The following NUAK1 variants were observed in gnomAD, a reference collection of about 807,000 sequenced individuals.
NUAK1 encodes the protein NUAK family SNF1-like kinase 1.
NUAK1 carries 26 observed loss-of-function variants against 56.9 expected under a neutral mutation model. The ratio of observed to expected loss-of-function variants is 0.46; its 90% CI spans 0.33 to 0.63. The LOEUF (loss-of-function observed/expected upper bound fraction) is 0.63. Ranked by LOEUF, NUAK1 falls within the 30% of genes least tolerant of loss-of-function variation. The pLI is 0.02. For missense variants in NUAK1, 727 were observed against 876.1 expected (o/e 0.83, Z 2.15); for synonymous variants, 337 against 336.0 (o/e 1.00, Z -0.03).
intron 6 of NUAK1, among the ~76,000 whole-genome samples, chr12:106,068,302 T>C (rs1450625287): frequency 6.6e-6 from 1 of 152,200 alleles, no homozygotes; most frequent in African/African-American, 2.4e-5. Context: ...CCCTGAGAGG[T>C]GCCCCACCAT....
intron 4 of NUAK1, among the ~76,000 whole-genome samples, chr12:106,074,123 C>T (rs2032437497): frequency 6.6e-6 from 1 of 152,152 alleles, no homozygotes; most frequent in Non-Finnish European, 1.5e-5. Flanking sequence ...GCAGGTTCCA[C>T]ATCCTCCCCT....
intron 3 of NUAK1, among the ~76,000 whole-genome samples, chr12:106,085,081 G>A (rs1302041435): frequency 6.6e-6 from 1 of 152,170 alleles, no homozygotes; most frequent in African/African-American, 2.4e-5. Flanking sequence ...GCACAAAACC[G>A]AGTCTGTTAG....
chr12:106,077,125 G>A (rs1456603025), intron 4 of NUAK1, among the ~76,000 whole-genome samples: 3 of 152,246 alleles, frequency 2.0e-5, no homozygotes, highest in African/African-American at 7.2e-5. Context: ...TGATGGCAAT[G>A]ATAATAATTA....
intron 1 of NUAK1, among the ~76,000 whole-genome samples, chr12:106,130,768 T>A (rs914580142): frequency 1.3e-5 from 2 of 152,214 alleles, no homozygotes; most frequent in African/African-American, 4.8e-5. Flanking sequence ...GGCCTTTTTT[T>A]AATTTGCACA....
intron 2 of NUAK1, among the ~76,000 whole-genome samples, chr12:106,092,380 T>G (rs2032644566): frequency 6.6e-6 from 1 of 151,450 alleles, no homozygotes; most frequent in South Asian, 2.1e-4. Flanking sequence ...TAGCTGGGCG[T>G]GGTAGTGGGC....
At position 106,067,086 on chromosome 12, in the gene NUAK1, G is replaced by T. The variant is rs1178254979; in HGVS notation, c.1702C>A (p.Pro568Thr). 1.2e-6 allele frequency: 2 copies of T among 1,614,100 alleles called. No individual in the cohort carries two copies. Among genetic ancestry groups the T allele is most frequent in the Admixed American group, 1.7e-5 (1 of 60,008 alleles). The change falls in exon 7 of 7, where the codon CCT becomes ACT. Residue 568 changes from proline (P) to threonine (T), a missense_variant. Coordinates refer to ENST00000261402, the MANE Select transcript of NUAK1 (RefSeq NM_014840.3). The surrounding 1 kb of genome is among the most constrained non-coding windows in gnomAD (Gnocchi z 6.0). ...AEGLSRSYSR[P>T]SSVISDDSVL... ...CTGTCATCGCTGATGACACTGGAAG[G>T]GCGGCTGTAGCTCCGGGAGAGGCCC...
intron 2 of NUAK1, among the ~76,000 whole-genome samples, chr12:106,104,860 T>A (rs2032785234): frequency 6.6e-6 from 1 of 151,960 alleles, no homozygotes; most frequent in South Asian, 2.1e-4. Flanking sequence ...ACGAAAACTA[T>A]CAGAAAAACT....
At chr12:106,090,258 C>T (rs1458984939) in intron 2 of NUAK1, among the ~76,000 whole-genome samples, 1 of 152,114 alleles carries the variant, frequency 6.6e-6, no homozygotes, top group East Asian at 1.9e-4. Context: ...ATCCCCCAGT[C>T]CCCCATAGGA....
At chr12:106,086,524 G>C (rs974419632) in intron 3 of NUAK1, among the ~76,000 whole-genome samples, 1 of 152,150 alleles carries the variant, frequency 6.6e-6, no homozygotes, top group African/African-American at 2.4e-5. Context: ...GAAGGAGGAG[G>C]AAGAAGACTG....
At chr12:106,092,670 C>T (rs754219222) in intron 2 of NUAK1, among the ~76,000 whole-genome samples, 5 of 152,264 alleles carry the variant, frequency 3.3e-5, no homozygotes, top group African/African-American at 4.8e-5. Flanking sequence ...TGTTGATAGA[C>T]ATTTGGGCTG....
chr12:106,118,541 T>C (rs777272553), intron 1 of NUAK1, among the ~76,000 whole-genome samples: 5 of 152,206 alleles, frequency 3.3e-5, no homozygotes, highest in Non-Finnish European at 7.3e-5. Flanking sequence ...TCAGAACAAT[T>C]TGAATGTGCG....
chr12:106,067,308 T>C lies in NUAK1; in HGVS notation c.1480A>G (p.Asn494Asp), dbSNP rs780767441. 79 of 1,614,016 alleles carry C rather than the reference T, an allele frequency of 4.9e-5. No homozygotes were observed. The East Asian group carries it at 1.6e-3, about 33-fold the overall frequency. Residue 494 changes from asparagine (N) to aspartate (D), a missense_variant, in exon 7 of 7, where the codon AAT (asparagine) becomes GAT (aspartate). Transcript: ENST00000261402. The surrounding 1 kb of genome is among the most constrained non-coding windows in gnomAD (Gnocchi z 6.0). Reference sequence around the variant, plus strand: ...GGGATGCTGCTGCCCATCACATCATTACTGTCCAACAGCTCCGAAGACTCA... The same window carrying C: ...GGGATGCTGCTGCCCATCACATCATCACTGTCCAACAGCTCCGAAGACTCA... The part of the protein sequence containing the change: ...RSESSELLDS[N>D]DVMGSSIPSP...
rs117172173 is a variant in NUAK1, at chr12:106,079,249, T to C, written c.579+4615A>G. Among the ~76,000 whole-genome samples, 889 of 152,250 alleles carry C rather than the reference T, an allele frequency of 5.8e-3. 6 individuals are homozygous for C. The highest frequency in any genetic ancestry group is 0.027 in the Middle Eastern group (8 of 294). On this transcript the variant is annotated intron_variant, in intron 4 of 6. Coordinates refer to ENST00000261402, the MANE Select transcript of NUAK1 (RefSeq NM_014840.3). ...GGGGCTCAGTAAGCATTACTTTCCT[T>C]TTCTAGTCTCCATGCTGTGTTCCTG...
rs1288983405 is a variant in NUAK1, at chr12:106,087,063, T to C, written c.362-178A>G. 14 of 620,162 alleles carry C rather than the reference T, an allele frequency of 2.3e-5. No individual in the cohort carries two copies. In the Admixed American group the frequency reaches 3.0e-4, roughly 13 times the overall value. The allele number at this position is 620,162 out of a possible 1,614,324, so 38.4% of individuals were successfully genotyped here. On this transcript the variant is annotated intron_variant, in intron 2 of 6. Coordinates refer to ENST00000261402, the MANE Select transcript of NUAK1 (RefSeq NM_014840.3). ...GCGTGGGGCGTGCTGTCCCGCCAGG[T>C]GGAAAATGGTGTGTGTCACCACCAC...
chr12:106,073,747 G>C (rs1387209805), intron 4 of NUAK1, among the ~76,000 whole-genome samples: 2 of 151,932 alleles, frequency 1.3e-5, no homozygotes, highest in Non-Finnish European at 2.9e-5. Flanking sequence ...AAACCTGAGA[G>C]GCGGAGATTG....
At position 106,138,381 on chromosome 12, in the gene NUAK1, G is replaced by A. The variant is rs758399010; in HGVS notation, c.240+33C>T. 44 of 1,566,954 alleles carry A rather than the reference G, an allele frequency of 2.8e-5. No individual in the cohort carries two copies. The highest frequency in any genetic ancestry group is 3.6e-5 in the Non-Finnish European group (42 of 1,160,948). On this transcript the variant is annotated intron_variant, in intron 1 of 6. Coordinates refer to ENST00000261402, the MANE Select transcript of NUAK1 (RefSeq NM_014840.3). The surrounding 1 kb of genome is among the most constrained non-coding windows in gnomAD (Gnocchi z 5.0). The stretch of plus-strand genomic sequence containing the variant: ...CAGTCCCCGGCCGCGTCCACCCAGC[G>A]CCCCCCGCACCCTCCAGGATTGCCC...
intron 1 of NUAK1, among the ~76,000 whole-genome samples, chr12:106,137,133 A>G (rs1214200228): frequency 1.3e-5 from 2 of 152,198 alleles, no homozygotes; most frequent in Non-Finnish European, 2.9e-5. Flanking sequence ...ATGGGTTGGG[A>G]GGGCGTTATC....
intron 6 of NUAK1, among the ~76,000 whole-genome samples, chr12:106,070,205 T>C (rs549076890): frequency 1.3e-5 from 2 of 152,244 alleles, no homozygotes; most frequent in Non-Finnish European, 2.9e-5. Flanking sequence ...CTTACAACTG[T>C]AGGAGAGGAA....
At chr12:106,079,486 T>C (rs2032494630) in intron 4 of NUAK1, among the ~76,000 whole-genome samples, 1 of 152,084 alleles carries the variant, frequency 6.6e-6, no homozygotes, top group South Asian at 2.1e-4. Context: ...CAGGGAAGGC[T>C]TCCTGGAAGA....
Sources: gnomAD v4.1 joint callset for allele counts (sites outside exome capture counted in the v4.1 genomes callset) on GRCh38, gnomAD v4.1.1 for gene constraint, Gnocchi (gnomAD v3.1) non-coding constraint, MANE v1.5 for transcripts, NCBI Gene and HGNC (gene_info 2026-07-23, HGNC 2026-07-21) for gene names.